The following RANBP2 variants were observed in gnomAD, a reference collection of about 807,000 sequenced individuals.
The protein encoded by RANBP2 is E3 SUMO-protein ligase RanBP2.
In RANBP2, 57 loss-of-function variants were observed where a neutral mutation model predicts 303.6. The observed-to-expected ratio is 0.19, with a 90% CI of 0.15 to 0.23. The LOEUF (loss-of-function observed/expected upper bound fraction) is 0.23, where lower values mean the gene tolerates loss of function less well. Among genes scored for constraint, RANBP2 ranks in the 10% least tolerant of loss-of-function variants. RANBP2 has a pLI of 1.00. For synonymous variants in RANBP2, 1,167 were observed against 1,301.5 expected (o/e 0.90, Z 2.23); for missense variants, 3,138 against 3,780.8 (o/e 0.83, Z 4.46).
At chr2:109,062,183 T>A in the RANBP2 span, among the ~76,000 whole-genome samples, 2 of 152,168 alleles carry the variant, frequency 1.3e-5, no homozygotes, top group Admixed American at 1.3e-4. Flanking sequence ...GGAAAATATA[T>A]TTTCAGATCT....
the RANBP2 span, among the ~76,000 whole-genome samples, chr2:109,237,886 A>C: frequency 6.6e-6 from 1 of 152,230 alleles, no homozygotes; most frequent in African/African-American, 2.4e-5. Flanking sequence ...TAGTGTGGAG[A>C]TTGCTAAATA....
the RANBP2 span, among the ~76,000 whole-genome samples, chr2:108,796,097 G>A: frequency 1.3e-5 from 2 of 152,128 alleles, no homozygotes; most frequent in African/African-American, 4.8e-5. Context: ...TGCCCAGGCT[G>A]GAGTGCAGTG....
At chr2:108,949,506 T>A in the RANBP2 span, among the ~76,000 whole-genome samples, 5 of 152,218 alleles carry the variant, frequency 3.3e-5, no homozygotes, top group African/African-American at 9.7e-5. Context: ...TATGGGGACA[T>A]CCACTTCCTG....
the RANBP2 span, among the ~76,000 whole-genome samples, chr2:108,865,085 A>G: frequency 6.6e-6 from 1 of 152,140 alleles, no homozygotes; most frequent in Non-Finnish European, 1.5e-5. Flanking sequence ...ACACAAATAC[A>G]TACACATTTT....
chr2:109,621,372 C>T, the RANBP2 span, among the ~76,000 whole-genome samples: 1 of 151,782 alleles, frequency 6.6e-6, no homozygotes, highest in Admixed American at 6.6e-5. Context: ...AGGATGGTCT[C>T]GATCTCCTGA....
chr2:109,307,173 T>C, the RANBP2 span, among the ~76,000 whole-genome samples: 2 of 152,258 alleles, frequency 1.3e-5, no homozygotes, highest in African/African-American at 4.8e-5. Flanking sequence ...AACATTCACA[T>C]TTAGTTTCCA....
chr2:108,948,048 G>T, the RANBP2 span, among the ~76,000 whole-genome samples: 1 of 152,072 alleles, frequency 6.6e-6, no homozygotes, highest in African/African-American at 2.4e-5. Flanking sequence ...AAAAAGCCAG[G>T]TCACATCTTG....
At chr2:109,493,436 C>T in the RANBP2 span, among the ~76,000 whole-genome samples, 1 of 151,428 alleles carries the variant, frequency 6.6e-6, no homozygotes, top group Non-Finnish European at 1.5e-5. Context: ...ACAGACTACA[C>T]ACATGTGCAA....
chr2:109,311,943 T>G, the RANBP2 span, among the ~76,000 whole-genome samples: 1 of 152,216 alleles, frequency 6.6e-6, no homozygotes. Flanking sequence ...TCACAGATTT[T>G]GGAGCTGATG....
the RANBP2 span, among the ~76,000 whole-genome samples, chr2:109,439,890 G>C: frequency 6.6e-6 from 1 of 152,190 alleles, no homozygotes; most frequent in Admixed American, 6.5e-5. Context: ...AAAGAGGCCT[G>C]CTTAGGTATT....
At chr2:109,198,315 A>G in the RANBP2 span, among the ~76,000 whole-genome samples, 11 of 152,152 alleles carry the variant, frequency 7.2e-5, no homozygotes, top group Non-Finnish European at 1.2e-4. Flanking sequence ...GACCCTGAGG[A>G]ATAAATTATC....
the RANBP2 span, among the ~76,000 whole-genome samples, chr2:109,729,796 A>G: frequency 3.3e-5 from 5 of 152,192 alleles, no homozygotes; most frequent in Admixed American, 6.5e-5. Flanking sequence ...ACACTGCTAT[A>G]AAGAACTTCC....
chr2:109,582,894 C>T, the RANBP2 span, among the ~76,000 whole-genome samples: 1 of 152,180 alleles, frequency 6.6e-6, no homozygotes, highest in Non-Finnish European at 1.5e-5. Context: ...GGCATCTGAT[C>T]TTCAACAAAG....
At chr2:109,436,843 C>G in the RANBP2 span, 12 of 1,584,242 alleles carry the variant, frequency 7.6e-6, no homozygotes, top group Non-Finnish European at 1.0e-5. Flanking sequence ...CCACATGGCA[C>G]GAATGCCTCT....
the RANBP2 span, among the ~76,000 whole-genome samples, chr2:109,067,309 A>G: frequency 3.3e-5 from 5 of 152,218 alleles, no homozygotes; most frequent in African/African-American, 1.2e-4. Flanking sequence ...CTCTCCATCT[A>G]TTTATAAAGC....
chr2:108,947,405 G>A, the RANBP2 span, among the ~76,000 whole-genome samples: 2 of 152,192 alleles, frequency 1.3e-5, no homozygotes, highest in Non-Finnish European at 1.5e-5. Context: ...TCGTCTCACA[G>A]CTCCACTAGG....
the RANBP2 span, among the ~76,000 whole-genome samples, chr2:108,848,230 T>C: frequency 5.9e-5 from 9 of 152,242 alleles, no homozygotes; most frequent in Admixed American, 5.9e-4. Flanking sequence ...AATGTTCATT[T>C]CTGATAATAT....
chr2:109,227,894 T>C, the RANBP2 span, among the ~76,000 whole-genome samples: 1 of 152,260 alleles, frequency 6.6e-6, no homozygotes, highest in African/African-American at 2.4e-5. Context: ...TGCAGTTCCC[T>C]GTAGGCTTCA....
At chr2:108,988,404 A>G in the RANBP2 span, among the ~76,000 whole-genome samples, 4 of 152,008 alleles carry the variant, frequency 2.6e-5, no homozygotes, top group Non-Finnish European at 5.9e-5. Flanking sequence ...GAAAACCTCA[A>G]TCATCACAAA....
Sources: gnomAD v4.1 joint callset for allele counts (sites outside exome capture counted in the v4.1 genomes callset) on GRCh38, gnomAD v4.1.1 for gene constraint, MANE v1.5 for transcripts, NCBI Gene and HGNC (gene_info 2026-07-23, HGNC 2026-07-21) for gene names.